The following EFCAB6 variants were observed in gnomAD, a reference collection of about 807,000 sequenced individuals.
EFCAB6 encodes the protein EF-hand calcium binding domain 6.
A neutral mutation model predicts 169.8 loss-of-function variants in EFCAB6; 156 were observed. The ratio of observed to expected loss-of-function variants is 0.92; its 90% CI spans 0.81 to 1.05. The LOEUF is 1.05. Ranked by LOEUF, EFCAB6 falls within the 50% of genes least tolerant of loss-of-function variation. The probability of loss-of-function intolerance (pLI) is 0.00; values close to 1 mark genes in which losing one functional copy is unlikely to be tolerated. For synonymous variants in EFCAB6, 698 were observed against 676.4 expected (o/e 1.03, Z -0.50); for missense variants, 1,800 against 1,829.1 (o/e 0.98, Z 0.29).
chr22:43,772,410 CAGG>C (rs1427263601), intron 4 of EFCAB6, among the ~76,000 whole-genome samples: 1 of 152,168 alleles, frequency 6.6e-6, no homozygotes, highest in African/African-American at 2.4e-5. Flanking sequence ...GAGGCCAAGG[CAGG>C]CAGATCACCT....
intron 5 of EFCAB6, among the ~76,000 whole-genome samples, chr22:43,758,525 C>T (rs1218075758): frequency 6.6e-6 from 1 of 152,190 alleles, no homozygotes; most frequent in African/African-American, 2.4e-5. Context: ...AACTTTAACT[C>T]AATTTATCCA....
rs752110710 is a variant in EFCAB6 at position 43,667,302 on chromosome 22, G to T, written c.1815-30C>A. 3.7e-5 allele frequency: 60 copies of T among 1,606,662 alleles called. No individual in the cohort carries two copies. The Admixed American group carries it at 1.0e-3, about 27-fold the overall frequency. ...AATCACAAGCAGGCATTTAGACCCA[G>T]TGTCAACTGACACACGCAGGGTGCT... On this transcript the variant is annotated intron_variant, in intron 16 of 31. Coordinates refer to ENST00000262726, the MANE Select transcript of EFCAB6 (RefSeq NM_022785.4).
chr22:43,748,670 AC>A (rs1410017447), intron 6 of EFCAB6, among the ~76,000 whole-genome samples: 2 of 152,212 alleles, frequency 1.3e-5, no homozygotes, highest in Non-Finnish European at 2.9e-5. Context: ...CACTGAAGTT[AC>A]CACAGTGGAC....
Position 43,528,788 on chromosome 22 carries a change from A to C in EFCAB6, c.*65T>G. The C allele has an allele frequency of 6.7e-7, 1 of 1,484,510 alleles. No homozygotes were observed. The highest frequency in any genetic ancestry group is 9.1e-7 in the Non-Finnish European group (1 of 1,101,302). 92.0% of individuals were successfully genotyped at this position (1,484,510 alleles called of 1,614,324 possible). Reference sequence around the variant, plus strand: ...AAAATTCATGAAACCCCCAAATTATAGGATTTTATTAGCCTTGAAACAGGC... The same window carrying C: ...AAAATTCATGAAACCCCCAAATTATCGGATTTTATTAGCCTTGAAACAGGC... On this transcript the variant is annotated 3_prime_UTR_variant, in exon 32 of 32. Transcript: ENST00000262726.
intron 27 of EFCAB6, among the ~76,000 whole-genome samples, chr22:43,549,413 T>G (rs932384367): frequency 6.6e-6 from 1 of 152,154 alleles, no homozygotes; most frequent in African/African-American, 2.4e-5. Context: ...ATTAATAATT[T>G]TACGCTAATA....
At chr22:43,586,339 G>GTTTTTTTTTTT (rs2051061882) in intron 24 of EFCAB6, among the ~76,000 whole-genome samples, 1 of 46,132 alleles carries the variant, frequency 2.2e-5, no homozygotes, top group Non-Finnish European at 4.0e-5. Flanking sequence ...AGCAACAACT[G>GTTTTTTTTTTT]ATTTTTTTTT....
chr22:43,551,506 T>G (rs553265425), intron 27 of EFCAB6, among the ~76,000 whole-genome samples: 9 of 152,318 alleles, frequency 5.9e-5, no homozygotes, highest in Admixed American at 2.6e-4. Flanking sequence ...GTTTTTTAAA[T>G]TTTTTTCCTT....
intron 5 of EFCAB6, 21 bp from the exon 6 acceptor site, chr22:43,755,853 C>A (rs1346450381): frequency 3.8e-6 from 6 of 1,563,468 alleles, no homozygotes; most frequent in Non-Finnish European, 5.2e-6. Flanking sequence ...AAAAAAAAAT[C>A]TTTATTAAAA....
At chr22:43,741,288 G>A (rs565575758) in intron 6 of EFCAB6, among the ~76,000 whole-genome samples, 70 of 151,370 alleles carry the variant, frequency 4.6e-4, no homozygotes, top group African/African-American at 1.6e-3. Flanking sequence ...CTTCTCATCC[G>A]CTATGAGCTC....
At chr22:43,659,530 C>T (rs1331742643) in intron 17 of EFCAB6, among the ~76,000 whole-genome samples, 1 of 152,000 alleles carries the variant, frequency 6.6e-6, no homozygotes, top group Non-Finnish European at 1.5e-5. Flanking sequence ...TGTGGTGGTG[C>T]ATGCCCGTGG....
chr22:43,714,657 T>C (rs1188416210), intron 9 of EFCAB6, among the ~76,000 whole-genome samples: 2 of 151,932 alleles, frequency 1.3e-5, no homozygotes, highest in Non-Finnish European at 1.5e-5. Context: ...GAAAAAATAT[T>C]TACAACATTA....
Position 43,615,056 on chromosome 22 carries a change from C to A in EFCAB6, c.2562+770G>T, listed in dbSNP as rs138491909. 3.2e-3 allele frequency among the ~76,000 whole-genome samples: 488 copies of A among 152,370 alleles called. 2 individuals are homozygous for A. Among genetic ancestry groups the A allele is most frequent in the African/African-American group, 0.011 (474 of 41,590 alleles). On this transcript the variant is annotated intron_variant, in intron 21 of 31. Transcript: ENST00000262726. ...GACTTCAAAGACAAAATTCTTTTCACACTGGGCACAGGCCAAGAAAGAGCA... is the reference window on the plus strand; with the variant it reads ...GACTTCAAAGACAAAATTCTTTTCAAACTGGGCACAGGCCAAGAAAGAGCA...
intron 28 of EFCAB6, among the ~76,000 whole-genome samples, chr22:43,539,786 A>G (rs2147060579): frequency 6.6e-6 from 1 of 152,310 alleles, no homozygotes; most frequent in Admixed American, 6.5e-5. Flanking sequence ...CCCGCAGTTG[A>G]CCACAGGGCT....
Position 43,766,499 on chromosome 22 carries a change from A to G in EFCAB6, c.352-1106T>C, listed in dbSNP as rs113071599. On this transcript the variant is annotated intron_variant, in intron 4 of 31. Coordinates refer to ENST00000262726, the MANE Select transcript of EFCAB6 (RefSeq NM_022785.4). ...ATATGGGCATTATTTGTACCATATG[A>G]GTGCTATTTGTACTTTTCTTATTCT... Among the ~76,000 whole-genome samples the G allele has an allele frequency of 8.4e-4, 128 of 152,206 alleles. 1 individual carries two copies. The highest frequency in any genetic ancestry group is 2.4e-3 in the African/African-American group (101 of 41,530).
At chr22:43,774,547 C>T (rs2061578910) in intron 3 of EFCAB6, among the ~76,000 whole-genome samples, 1 of 151,514 alleles carries the variant, frequency 6.6e-6, no homozygotes, top group African/African-American at 2.4e-5. Context: ...ATGACTCTCG[C>T]TCCTGATGCC....
At chr22:43,794,036 T>C (rs1027975351) in intron 2 of EFCAB6, among the ~76,000 whole-genome samples, 6 of 152,116 alleles carry the variant, frequency 3.9e-5, no homozygotes, top group African/African-American at 1.4e-4. Context: ...GAAATGTACA[T>C]TTCCAGGCTC....
intron 25 of EFCAB6, among the ~76,000 whole-genome samples, chr22:43,579,409 G>GGCATCATTCCCTGCATGCAA: frequency 6.7e-6 from 1 of 148,606 alleles, no homozygotes; most frequent in East Asian, 2.0e-4. Flanking sequence ...CCTGCATGCA[G>GGCATCATTCCCTGCATGCAA]GCATCATTCT....
chr22:43,557,008 G>C (rs966281735), intron 26 of EFCAB6, among the ~76,000 whole-genome samples: 8 of 152,196 alleles, frequency 5.3e-5, no homozygotes, highest in Non-Finnish European at 8.8e-5. Flanking sequence ...TGGACATAGA[G>C]CCATACCTCT....
Position 43,772,884 on chromosome 22 carries a change from T to C in EFCAB6, c.351+8A>G, listed in dbSNP as rs773010675. The C allele has an allele frequency of 1.2e-6, 2 of 1,614,126 alleles. No individual in the cohort carries two copies. Among genetic ancestry groups the C allele is most frequent in the South Asian group, 1.1e-5 (1 of 91,072 alleles). On this transcript the variant is annotated splice_region_variant and intron_variant, in intron 4 of 31. Transcript: ENST00000262726. ...TGAGGGATTCTAAGTATGTACAACA[T>C]ACAGCACCTGAGCCAACACGTCCTG...
Sources: gnomAD v4.1 joint callset for allele counts (sites outside exome capture counted in the v4.1 genomes callset) on GRCh38, gnomAD v4.1.1 for gene constraint, MANE v1.5 for transcripts, NCBI Gene and HGNC (gene_info 2026-07-23, HGNC 2026-07-21) for gene names.